ANKRD6: variants seen among roughly 807,000 people sequenced by gnomAD.
The protein encoded by ANKRD6 is ankyrin repeat domain 6.
In ANKRD6, 56 loss-of-function variants were observed where a neutral mutation model predicts 82.3. The observed-to-expected ratio is 0.68, with a 90% CI of 0.55 to 0.85. ANKRD6 has a LOEUF of 0.85. Ranked by LOEUF, ANKRD6 falls within the 40% of genes least tolerant of loss-of-function variation. The pLI is 0.00. For synonymous variants in ANKRD6, 347 were observed against 352.1 expected (o/e 0.99, Z 0.16); for missense variants, 852 against 907.6 (o/e 0.94, Z 0.79).
chr6:89,615,175 T>G (rs936498604), intron 7 of ANKRD6, among the ~76,000 whole-genome samples: 1 of 141,872 alleles, frequency 7.0e-6, no homozygotes, highest in African/African-American at 2.6e-5. Context: ...AAAAAAAAAA[T>G]TAGATTGTGG....
intron 9 of ANKRD6, chr6:89,620,038 G>C (rs76645795): frequency 1.3e-5 from 2 of 152,212 alleles, no homozygotes; most frequent in Non-Finnish European, 2.9e-5. Flanking sequence ...TTTTAGTAGA[G>C]ACGAGGTTTC....
intron 1 of ANKRD6, among the ~76,000 whole-genome samples, chr6:89,434,367 G>A (rs1278190507): frequency 6.6e-6 from 1 of 152,236 alleles, no homozygotes; most frequent in Non-Finnish European, 1.5e-5. Flanking sequence ...TTAGGCCAGT[G>A]TAAGTGGAAA....
intron 1 of ANKRD6, among the ~76,000 whole-genome samples, chr6:89,497,722 T>A (rs981421107): frequency 6.6e-6 from 1 of 152,218 alleles, no homozygotes; most frequent in South Asian, 2.1e-4. Context: ...TTTATTAAGG[T>A]ATAATTTATA....
In ANKRD6 at chr6:89,472,016, T is replaced by C. The variant is rs377133260; in HGVS notation, c.-144+38641T>C. 2.2e-4 allele frequency among the ~76,000 whole-genome samples: 33 copies of C among 149,228 alleles called. 1 individual carries two copies. The East Asian group carries it at 4.6e-3, about 21-fold the overall frequency. On this transcript the variant is annotated intron_variant, in intron 1 of 15. Coordinates refer to ENST00000339746, the MANE Select transcript of ANKRD6 (RefSeq NM_001242809.2). ...TGAAGTCATAAGTGTAGACCACTCC[T>C]TCTGAGGGAGAATCCACCCCACCTT...
intron 15 of ANKRD6, 74 bp from the exon 16 acceptor site, chr6:89,630,358 TA>T: frequency 6.6e-7 from 1 of 1,518,010 alleles, no homozygotes; most frequent in Non-Finnish European, 8.8e-7. Flanking sequence ...CTTAAGACTC[TA>T]AAATACTGAC....
chr6:89,584,265 C>T (rs1793231812), intron 2 of ANKRD6, among the ~76,000 whole-genome samples: 1 of 152,182 alleles, frequency 6.6e-6, no homozygotes, highest in Non-Finnish European at 1.5e-5. Flanking sequence ...ACATCCCCAC[C>T]CTGGTAGTGC....
At chr6:89,455,671 T>C (rs1231608571) in intron 1 of ANKRD6, among the ~76,000 whole-genome samples, 1 of 151,972 alleles carries the variant, frequency 6.6e-6, no homozygotes, top group Non-Finnish European at 1.5e-5. Flanking sequence ...TTTAAAAGCA[T>C]GTAACACCTG....
At chr6:89,514,563 T>C (rs971783029) in intron 1 of ANKRD6, among the ~76,000 whole-genome samples, 3 of 152,164 alleles carry the variant, frequency 2.0e-5, no homozygotes, top group African/African-American at 7.2e-5. Flanking sequence ...GCATAAGATA[T>C]CCTCAAAAGA....
In ANKRD6 at chr6:89,433,730, T is replaced by G. The variant is rs1292105641; in HGVS notation, c.-144+355T>G. 6.6e-6 allele frequency among the ~76,000 whole-genome samples: 1 copy of G among 151,792 alleles called. No individual in the cohort carries two copies. Among genetic ancestry groups the G allele is most frequent in the Non-Finnish European group, 1.5e-5 (1 of 67,932 alleles). On this transcript the variant is annotated intron_variant, in intron 1 of 15. Coordinates refer to ENST00000339746, the MANE Select transcript of ANKRD6 (RefSeq NM_001242809.2). The surrounding 1 kb of genome is among the most constrained non-coding windows in gnomAD (Gnocchi z 4.3). ...AGGGCGGTGGGGGCGGGGGTCCGAG[T>G]ACCCCGCGGTCTGCGGCGCGTAGGA...
At chr6:89,560,139 T>C (rs1787188964) in intron 1 of ANKRD6, among the ~76,000 whole-genome samples, 1 of 152,188 alleles carries the variant, frequency 6.6e-6, no homozygotes, top group Non-Finnish European at 1.5e-5. Flanking sequence ...CAATTATGCT[T>C]GAGCTACCAT....
intron 5 of ANKRD6, among the ~76,000 whole-genome samples, chr6:89,606,856 G>A (rs1396639900): frequency 6.6e-6 from 1 of 151,570 alleles, no homozygotes; most frequent in African/African-American, 2.4e-5. Flanking sequence ...GACTGTCGTG[G>A]GGGCAGGTGG....
intron 1 of ANKRD6, among the ~76,000 whole-genome samples, chr6:89,540,254 T>C (rs761701655): frequency 6.6e-6 from 1 of 152,222 alleles, no homozygotes; most frequent in East Asian, 1.9e-4. Flanking sequence ...CCACCAATAG[T>C]GTACAAGGGT....
chr6:89,459,089 T>C (rs370329643), intron 1 of ANKRD6, among the ~76,000 whole-genome samples: 3 of 152,162 alleles, frequency 2.0e-5, no homozygotes, highest in African/African-American at 7.2e-5. Context: ...TCTTTTTTTT[T>C]AAAATTGAGA....
intron 7 of ANKRD6, among the ~76,000 whole-genome samples, chr6:89,614,974 G>A (rs1238277686): frequency 1.3e-5 from 2 of 152,116 alleles, no homozygotes; most frequent in African/African-American, 4.8e-5. Flanking sequence ...ATAAAATTGG[G>A]CATATAATCT....
At chr6:89,506,064 A>G (rs1215391983) in intron 1 of ANKRD6, among the ~76,000 whole-genome samples, 2 of 152,182 alleles carry the variant, frequency 1.3e-5, no homozygotes, top group African/African-American at 4.8e-5. Context: ...AGGGCGGTGG[A>G]AGCAATGGGA....
At chr6:89,564,284 G>A (rs1267880237) in intron 1 of ANKRD6, among the ~76,000 whole-genome samples, 1 of 152,138 alleles carries the variant, frequency 6.6e-6, no homozygotes, top group Non-Finnish European at 1.5e-5. Context: ...GGGATGGAAT[G>A]AGAGAGGAAC....
At chr6:89,453,618 C>T (rs978963605) in intron 1 of ANKRD6, among the ~76,000 whole-genome samples, 2 of 151,902 alleles carry the variant, frequency 1.3e-5, no homozygotes, top group Admixed American at 6.6e-5. Context: ...CTCACTCTGT[C>T]GCCTAGTTAG....
At chr6:89,547,237 G>A (rs1024496180) in intron 1 of ANKRD6, among the ~76,000 whole-genome samples, 1 of 152,038 alleles carries the variant, frequency 6.6e-6, no homozygotes, top group Non-Finnish European at 1.5e-5. Flanking sequence ...ATGAGTTGAG[G>A]CAGATGTAGG....
chr6:89,612,708 T>G (rs1800518752), intron 6 of ANKRD6, among the ~76,000 whole-genome samples: 1 of 152,088 alleles, frequency 6.6e-6, no homozygotes, highest in African/African-American at 2.4e-5. Flanking sequence ...GAGTGTTGAG[T>G]GTTGTACTAT....
Sources: allele counts gnomAD v4.1 joint callset (sites outside exome capture counted in the v4.1 genomes callset), GRCh38; gene constraint gnomAD v4.1.1; non-coding constraint Gnocchi (gnomAD v3.1); transcripts MANE v1.5; gene names NCBI Gene and HGNC (gene_info 2026-07-23, HGNC 2026-07-21).